Variants in LRRC37A3 observed in about 807,000 individuals in gnomAD.
The protein encoded by LRRC37A3 is leucine-rich repeat-containing protein 37A3.
In LRRC37A3, 25 loss-of-function variants were observed where a neutral mutation model predicts 106.2. The observed-to-expected ratio is 0.24, with a 90% CI of 0.17 to 0.33. LRRC37A3 has a LOEUF of 0.33. Ranked by LOEUF, LRRC37A3 falls within the 10% of genes least tolerant of loss-of-function variation. The pLI, the probability that LRRC37A3 is intolerant of heterozygous loss-of-function variation, is 1.00. For missense variants in LRRC37A3, 712 were observed against 1,644.9 expected, an observed-to-expected ratio of 0.43 and a Z score of 9.81; for synonymous variants, 305 against 635.8, an observed-to-expected ratio of 0.48 and a Z score of 7.83.
chr17:64,863,940 G>A (rs1424004185), intron 10 of LRRC37A3, among the ~76,000 whole-genome samples: 1 of 151,458 alleles, frequency 6.6e-6, no homozygotes, highest in Non-Finnish European at 1.5e-5. Context: ...GAGTAGCTGG[G>A]AGTATAGGCT....
intron 12 of LRRC37A3, 95 bp from the exon 13 acceptor site, chr17:64,858,978 G>T: frequency 1.2e-6 from 1 of 863,990 alleles, no homozygotes; most frequent in South Asian, 1.5e-5. Flanking sequence ...TTTTGAAAGA[G>T]GGTCTCACTC....
chr17:64,876,079 A>G (rs1973504464), intron 8 of LRRC37A3, among the ~76,000 whole-genome samples: 1 of 152,208 alleles, frequency 6.6e-6, no homozygotes, highest in African/African-American at 2.4e-5. Context: ...TATGTTGCCC[A>G]GGCTGGTCTC....
chr17:64,867,083 G>A (rs1322161662), intron 10 of LRRC37A3, among the ~76,000 whole-genome samples: 2 of 151,902 alleles, frequency 1.3e-5, no homozygotes, highest in Non-Finnish European at 2.9e-5. Flanking sequence ...TTAGACAACA[G>A]GTTCTTAAAG....
intron 13 of LRRC37A3, among the ~76,000 whole-genome samples, chr17:64,857,321 C>CA (rs1280804677): frequency 2.0e-5 from 3 of 152,112 alleles, no homozygotes; most frequent in Non-Finnish European, 4.4e-5. Context: ...TTTTATCTAA[C>CA]AAAAGATGTG....
chr17:64,855,037 A>G (rs1298049939), intron 14 of LRRC37A3, among the ~76,000 whole-genome samples: 5 of 152,112 alleles, frequency 3.3e-5, no homozygotes, highest in Non-Finnish European at 5.9e-5. Flanking sequence ...GGCTTTCACC[A>G]TGTTGGTCAG....
At chr17:64,858,279 G>A (rs2143364038) in intron 13 of LRRC37A3, among the ~76,000 whole-genome samples, 1 of 152,266 alleles carries the variant, frequency 6.6e-6, no homozygotes, top group East Asian at 1.9e-4. Context: ...GCTTTAACTG[G>A]ACCTATTTAG....
At chr17:64,912,201 C>G (rs1158412619) in intron 2 of LRRC37A3, among the ~76,000 whole-genome samples, 1 of 45,708 alleles carries the variant, frequency 2.2e-5, no homozygotes, top group South Asian at 7.7e-4. Context: ...AGGTATCATA[C>G]ATGCATTGTA....
Position 64,859,785 on chromosome 17 carries a change from A to T in LRRC37A3, c.4361T>A (p.Leu1454Gln), listed in dbSNP as rs559796268. Residue 1454 changes from leucine (L) to glutamine (Q), a missense_variant, in exon 12 of 15, where the codon CTG (leucine) becomes CAG (glutamine). Physicochemically the swap from Leu to Gln is moderately radical, Grantham distance 113. Coordinates refer to ENST00000584306, the MANE Select transcript of LRRC37A3 (RefSeq NM_199340.5). ...ATTGAAGCTTTTGGGCTCGGGGGAC[A>T]GGTCAGTGCCCACGTTGTTGTATTC... is the stretch of plus-strand genomic sequence containing the variant. The part of the protein sequence containing the change: ...KWEYNNVGTD[L>Q]SPEPKSFNYP... The T allele has an allele frequency of 4.3e-6, 7 of 1,612,334 alleles. No individual in the cohort carries two copies. The highest frequency in any genetic ancestry group is 4.2e-6 in the Non-Finnish European group (5 of 1,179,938).
chr17:64,866,628 ATTTTTTT>A (rs1183521580), intron 10 of LRRC37A3, among the ~76,000 whole-genome samples: 5 of 17,870 alleles, frequency 2.8e-4, no homozygotes, highest in African/African-American at 1.3e-3. Flanking sequence ...ATATATATAT[ATTTTTTT>A]TTTTTTTTTT....
At chr17:64,913,036 T>C (rs1974624637) in intron 2 of LRRC37A3, among the ~76,000 whole-genome samples, 2 of 151,726 alleles carry the variant, frequency 1.3e-5, no homozygotes, top group South Asian at 2.1e-4. Context: ...AATTTTTTTT[T>C]TTTTTCCCCC....
intron 10 of LRRC37A3, 74 bp downstream of exon 10, chr17:64,868,388 T>A: frequency 1.3e-6 from 2 of 1,525,464 alleles, no homozygotes; most frequent in Non-Finnish European, 1.8e-6. Flanking sequence ...TCAATGAACC[T>A]GACTTAAGAA....
intron 10 of LRRC37A3, among the ~76,000 whole-genome samples, chr17:64,868,048 T>C (rs1973177496): frequency 6.6e-6 from 1 of 151,798 alleles, no homozygotes; most frequent in South Asian, 2.1e-4. Context: ...CACTGCAGCC[T>C]GGGTGACAGA....
chr17:64,854,938 A>T (rs1278333554), intron 14 of LRRC37A3, among the ~76,000 whole-genome samples: 1 of 152,190 alleles, frequency 6.6e-6, no homozygotes, highest in African/African-American at 2.4e-5. Flanking sequence ...CCTGGCTTCA[A>T]GCAGTTCTCC....
chr17:64,874,291 C>T (rs564879621), intron 8 of LRRC37A3, among the ~76,000 whole-genome samples: 11 of 152,288 alleles, frequency 7.2e-5, no homozygotes, highest in Non-Finnish European at 1.0e-4. Context: ...CGCCTCTGCC[C>T]GGCCGCGACC....
chr17:64,915,021 A>C (rs1974672157), intron 2 of LRRC37A3, among the ~76,000 whole-genome samples: 1 of 152,180 alleles, frequency 6.6e-6, no homozygotes, highest in Non-Finnish European at 1.5e-5. Flanking sequence ...ATGGGCATAA[A>C]AACTCAGTCA....
At chr17:64,881,222 G>C in intron 8 of LRRC37A3, 1 of 699,308 alleles carries the variant, frequency 1.4e-6, no homozygotes, top group South Asian at 1.5e-5. Context: ...CTGAAACAGT[G>C]AGCCTTTTTC....
intron 10 of LRRC37A3, among the ~76,000 whole-genome samples, chr17:64,865,860 T>C: frequency 6.6e-6 from 1 of 152,232 alleles, no homozygotes; most frequent in South Asian, 2.1e-4. Context: ...AGACATTACA[T>C]TTAGTACATG....
intron 8 of LRRC37A3, among the ~76,000 whole-genome samples, chr17:64,873,067 T>C (rs1182037531): frequency 6.6e-6 from 1 of 151,932 alleles, no homozygotes; most frequent in Non-Finnish European, 1.5e-5. Flanking sequence ...ACATGACATA[T>C]AATGCGAGAC....
At chr17:64,882,688 C>T (rs1299472796) in intron 8 of LRRC37A3, among the ~76,000 whole-genome samples, 1 of 150,670 alleles carries the variant, frequency 6.6e-6, no homozygotes, top group African/African-American at 2.4e-5. Context: ...TGTTTGTGAC[C>T]GAAGCTCAAT....
Sources: allele counts gnomAD v4.1 joint callset (sites outside exome capture counted in the v4.1 genomes callset), GRCh38; gene constraint gnomAD v4.1.1; transcripts MANE v1.5; gene names NCBI Gene and HGNC (gene_info 2026-07-23, HGNC 2026-07-21).